CFHR1: variants seen among roughly 807,000 people sequenced by gnomAD.
CFHR1 encodes complement factor H-related protein 1.
In CFHR1, 22 loss-of-function variants were observed where a neutral mutation model predicts 30.4. The observed-to-expected ratio is 0.72, with a 90% confidence interval of 0.52 to 1.03. The LOEUF is 1.03. CFHR1 is among the 50% of genes least tolerant of loss of function. The pLI is 0.00. For missense variants in CFHR1, 248 were observed against 380.6 expected, an observed-to-expected ratio of 0.65 and a Z score of 2.90; for synonymous variants, 95 against 129.1, an observed-to-expected ratio of 0.74 and a Z score of 1.79.
At chr1:196,825,783 G>C in intron 2 of CFHR1, 112 bp downstream of exon 2, 1 of 1,076,672 alleles carries the variant, frequency 9.3e-7, no homozygotes, top group Non-Finnish European at 1.3e-6. Context: ...AAAGAAGCTG[G>C]AAAGATGGGA....
At position 196,830,568 on chromosome 1, in the gene CFHR1, G is replaced by A. The variant is rs1182540738; in HGVS notation, c.676G>A (p.Val226Ile). Residue 226 changes from valine to isoleucine, a missense_variant, in exon 5 of 6, where the codon GTA becomes ATA. Around this residue, in one of 3 missense-constraint regions of CFHR1, gnomAD observed 112 missense variants for 156.4 expected, o/e 0.72. Transcript: ENST00000320493. ...GGACATTACTTCATTCCCGTTGTCA[G>A]TATATGCTCCAGCTTCATCAGTTGA... is the stretch of plus-strand genomic sequence containing the variant. ...NGDITSFPLS[V>I]YAPASSVEYQ... The A allele has an allele frequency of 6.6e-7, 1 of 1,525,034 alleles. No individual in the cohort carries two copies. Among genetic ancestry groups the A allele is most frequent in the East Asian group, 2.2e-5 (1 of 44,612 alleles). The allele number at this position is 1,525,034 out of a possible 1,614,324, so 94.5% of individuals were successfully genotyped here. A position where few individuals can be genotyped will look rare whatever the true frequency, so the allele number is the denominator to read the frequency against.
Position 196,832,007 on chromosome 1 carries a change from C to A in CFHR1, c.*8C>A, listed in dbSNP as rs527419430. 2.6e-6 allele frequency: 4 copies of A among 1,517,914 alleles called. No homozygotes were observed. Among genetic ancestry groups the A allele is most frequent in the Non-Finnish European group, 2.7e-6 (3 of 1,122,586 alleles). 94.0% of individuals were successfully genotyped at this position (1,517,914 alleles called of 1,614,324 possible). A position where few individuals can be genotyped will look rare whatever the true frequency, so the allele number is the denominator to read the frequency against. Reference sequence around the variant, plus strand: ...ACTTGTGCAAAAAGATAGAATCAATCATAAAATGCACACCTTTATTCAGAA... The same window carrying A: ...ACTTGTGCAAAAAGATAGAATCAATAATAAAATGCACACCTTTATTCAGAA... On this transcript the variant is annotated 3_prime_UTR_variant, in exon 6 of 6. Coordinates refer to ENST00000320493, the MANE Select transcript of CFHR1 (RefSeq NM_002113.3).
chr1:196,820,973 A>G (rs1418101846), intron 1 of CFHR1: 1 of 133,452 alleles, frequency 7.5e-6, no homozygotes, highest in Non-Finnish European at 1.5e-5. Context: ...CCAAGTGGCT[A>G]GGATTACAGG....
chr1:196,820,863 G>T (rs1466931536), intron 1 of CFHR1: 2 of 132,362 alleles, frequency 1.5e-5, no homozygotes, highest in Non-Finnish European at 3.1e-5. Context: ...TTTTGAGATG[G>T]ACTTTCACTC....
chr1:196,820,606 G>A (rs1173755953), intron 1 of CFHR1, among the ~76,000 whole-genome samples: 1 of 124,624 alleles, frequency 8.0e-6, no homozygotes, highest in Non-Finnish European at 1.6e-5. Flanking sequence ...CCAAGGTCTA[G>A]GATACTAATT....
chr1:196,827,014 A>G lies in CFHR1; in HGVS notation c.430+9A>G, dbSNP rs1655354412. 2 of 1,519,972 alleles carry G rather than the reference A, an allele frequency of 1.3e-6. No individual in the cohort carries two copies. Among genetic ancestry groups the G allele is most frequent in the African/African-American group, 3.4e-5 (2 of 58,132 alleles). The allele number at this position is 1,519,972 out of a possible 1,614,324, so 94.2% of individuals were successfully genotyped here. A position where few individuals can be genotyped will look rare whatever the true frequency, so the allele number is the denominator to read the frequency against. On this transcript the variant is annotated intron_variant, in intron 3 of 5. Transcript: ENST00000320493. Reference sequence around the variant, plus strand: ...CAAATGCAGGTCCACTGGTAAGTACAATGCTGTTCTCTCATATGCTGTTAT... The same window carrying G: ...CAAATGCAGGTCCACTGGTAAGTACGATGCTGTTCTCTCATATGCTGTTAT...
rs1655495949 is a variant in CFHR1, at chr1:196,830,366, A to G, written c.608-134A>G. 2 of 1,005,722 alleles carry G rather than the reference A, an allele frequency of 2.0e-6. 1 individual carries two copies. The highest frequency in any genetic ancestry group is 4.3e-5 in the African/African-American group (2 of 46,990). 62.3% of individuals were successfully genotyped at this position (1,005,722 alleles called of 1,614,324 possible). ...AGTTTAAAGGATTAAAATTTCTTCC[A>G]GGACTCATTTCTTTTACCAGAAATC... On this transcript the variant is annotated intron_variant, in intron 4 of 5. Transcript: ENST00000320493.
chr1:196,827,046 T>C, intron 3 of CFHR1, 41 bp downstream of exon 3: 1 of 1,482,700 alleles, frequency 6.7e-7, no homozygotes, highest in Non-Finnish European at 9.2e-7. Flanking sequence ...TTATCTATTA[T>C]AAAGTTTGAG....
intron 1 of CFHR1, among the ~76,000 whole-genome samples, chr1:196,824,363 T>G (rs1412475844): frequency 7.5e-6 from 1 of 133,644 alleles, no homozygotes; most frequent in Non-Finnish European, 1.6e-5. Flanking sequence ...GTTCAAGTGA[T>G]TCTTCTGCCT....
At chr1:196,831,536 G>A (rs1655558461) in intron 5 of CFHR1, among the ~76,000 whole-genome samples, 2 of 135,100 alleles carry the variant, frequency 1.5e-5, no homozygotes, top group Non-Finnish European at 3.1e-5. Flanking sequence ...TAAAATGCAG[G>A]GATCCTAAAA....
At chr1:196,826,412 T>C (rs1655323961) in intron 2 of CFHR1, among the ~76,000 whole-genome samples, 1 of 134,874 alleles carries the variant, frequency 7.4e-6, no homozygotes, top group South Asian at 2.5e-4. Context: ...TATAGTAGCA[T>C]GAGTTAACTT....
At chr1:196,820,993 C>G (rs182820322) in intron 1 of CFHR1, 1 of 134,140 alleles carries the variant, frequency 7.5e-6, no homozygotes, top group Non-Finnish European at 1.5e-5. Context: ...GCATGCACCA[C>G]GACGCCTGGC....
rs982575306 is a variant in CFHR1, at chr1:196,827,193, C to G, written c.430+188C>G. 5.9e-5 allele frequency among the ~76,000 whole-genome samples: 8 copies of G among 135,682 alleles called. 2 individuals carry two copies. The highest frequency in any genetic ancestry group is 2.5e-4 in the African/African-American group (8 of 31,866). The allele number at this position is 135,682 out of a possible 152,430, so 89.0% of individuals were successfully genotyped here. Reference sequence around the variant, plus strand: ...TGCCTACCTATATAAATCAAATGTTCTCAAAGTGTGGTCGCTAAACCGGTA... The same window carrying G: ...TGCCTACCTATATAAATCAAATGTTGTCAAAGTGTGGTCGCTAAACCGGTA... On this transcript the variant is annotated intron_variant, in intron 3 of 5. Coordinates refer to ENST00000320493, the MANE Select transcript of CFHR1 (RefSeq NM_002113.3).
rs1445685302 is a variant in CFHR1 at position 196,822,252 on chromosome 1, A to G, written c.58+2350A>G. Reference sequence around the variant, plus strand: ...TTTACTTGAATAGTTTTGGGGGAGCAGGTGGTTTTTGGTTACATGGATAAG... The same window carrying G: ...TTTACTTGAATAGTTTTGGGGGAGCGGGTGGTTTTTGGTTACATGGATAAG... On this transcript the variant is annotated intron_variant, in intron 1 of 5. Coordinates refer to ENST00000320493, the MANE Select transcript of CFHR1 (RefSeq NM_002113.3). Among the ~76,000 whole-genome samples, 21 of 117,544 alleles carry G rather than the reference A, an allele frequency of 1.8e-4. 4 individuals carry two copies. Among genetic ancestry groups the G allele is most frequent in the Non-Finnish European group, 3.6e-4 (21 of 58,782 alleles). The allele number at this position is 117,544 out of a possible 152,430, so 77.1% of individuals were successfully genotyped here. A position where few individuals can be genotyped will look rare whatever the true frequency, so the allele number is the denominator to read the frequency against.
In CFHR1 at chr1:196,826,985, C is replaced by T. The variant is rs568183209; in HGVS notation, c.410C>T (p.Pro137Leu). Reference sequence around the variant, plus strand: ...TGTGTAGAACGGGGCTGGTCCACCCCTCCCAAATGCAGGTCCACTGGTAAG... The same window carrying T: ...TGTGTAGAACGGGGCTGGTCCACCCTTCCCAAATGCAGGTCCACTGGTAAG... The part of the protein sequence containing the change: ...ISCVERGWST[P>L]PKCRSTDTSC... Residue 137 changes from proline to leucine, a missense_variant, in exon 3 of 6, where the codon CCT (proline) becomes CTT (leucine). Physicochemically the swap from Pro to Leu is moderately conservative, Grantham distance 98. Transcript: ENST00000320493. 48 of 1,523,408 alleles carry T rather than the reference C, an allele frequency of 3.2e-5. 12 individuals carry two copies. The African/African-American group carries it at 7.8e-4, about 25-fold the overall frequency. The allele number at this position is 1,523,408 out of a possible 1,614,324, so 94.4% of individuals were successfully genotyped here. A position where few individuals can be genotyped will look rare whatever the true frequency, so the allele number is the denominator to read the frequency against.
intron 1 of CFHR1, chr1:196,820,799 T>A (rs1378388820): frequency 1.5e-5 from 2 of 131,268 alleles, no homozygotes; most frequent in East Asian, 4.0e-4. Context: ...CCTTTAAATA[T>A]TTGCCCTTAG....
In CFHR1 at chr1:196,826,911, T is replaced by C. The variant is rs374169950; in HGVS notation, c.336T>C (p.Ile112=). 1.2e-5 allele frequency: 18 copies of C among 1,524,762 alleles called. 2 individuals are homozygous for C. The highest frequency in any genetic ancestry group is 1.6e-5 in the Non-Finnish European group (18 of 1,128,932). 94.5% of individuals were successfully genotyped at this position (1,524,762 alleles called of 1,614,324 possible). A position where few individuals can be genotyped will look rare whatever the true frequency, so the allele number is the denominator to read the frequency against. The change falls in exon 3 of 6, where the codon ATT becomes ATC. Residue 112 remains isoleucine, a synonymous_variant. Transcript: ENST00000320493. ...ATCTGGAAGGTGATACTGTGCAAATTATTTGCAACACAGGATACAGACTTC... is the reference window on the plus strand; with the variant it reads ...ATCTGGAAGGTGATACTGTGCAAATCATTTGCAACACAGGATACAGACTTC... ...QTHLEGDTVQ[I]ICNTGYRLQN...
chr1:196,828,937 A>T (rs1655443576), intron 4 of CFHR1, among the ~76,000 whole-genome samples: 1 of 132,972 alleles, frequency 7.5e-6, no homozygotes, highest in Non-Finnish European at 1.6e-5. Context: ...ACTTGGACCA[A>T]TTACACTTAA....
At position 196,830,141 on chromosome 1, in the gene CFHR1, C is replaced by A. The variant is rs1258019891; in HGVS notation, c.608-359C>A. On this transcript the variant is annotated intron_variant, in intron 4 of 5. Transcript: ENST00000320493. ...GATTTTTAAGAACCATCATCAATTT[C>A]AAAACCCGTGTCCTCTTAGTGTTAC... Among the ~76,000 whole-genome samples, 6 of 135,124 alleles carry A rather than the reference C, an allele frequency of 4.4e-5. 1 individual carries two copies. The highest frequency in any genetic ancestry group is 1.9e-4 in the African/African-American group (6 of 31,580). The allele number at this position is 135,124 out of a possible 152,430, so 88.6% of individuals were successfully genotyped here.
Sources: gnomAD v4.1 joint callset for allele counts (sites outside exome capture counted in the v4.1 genomes callset) on GRCh38, gnomAD v4.1.1 for gene constraint, gnomAD v4.1.1 regional missense constraint, MANE v1.5 for transcripts, NCBI Gene and HGNC (gene_info 2026-07-23, HGNC 2026-07-21) for gene names.